The following FAM13A variants were observed in gnomAD, a reference collection of about 807,000 sequenced individuals.
The protein encoded by FAM13A is protein FAM13A.
Under a neutral mutation model 129.6 loss-of-function variants are expected in FAM13A, and 76 were observed. The ratio of observed to expected loss-of-function variants is 0.59; its 90% CI spans 0.49 to 0.71. The LOEUF is 0.71. Ranked by LOEUF, FAM13A falls within the 30% of genes least tolerant of loss-of-function variation. The pLI is 0.00. For synonymous variants in FAM13A, 443 were observed against 449.9 expected (o/e 0.98, Z 0.20); for missense variants, 1,108 against 1,249.3 (o/e 0.89, Z 1.70).
chr4:88,971,035 C>T (rs762632280), intron 4 of FAM13A, among the ~76,000 whole-genome samples: 5 of 152,226 alleles, frequency 3.3e-5, no homozygotes, highest in Admixed American at 1.3e-4. Context: ...GGTGAAACCC[C>T]ATCTCTACTA....
intron 6 of FAM13A, among the ~76,000 whole-genome samples, chr4:88,852,641 T>G (rs1297651464): frequency 6.6e-6 from 1 of 152,216 alleles, no homozygotes; most frequent in Non-Finnish European, 1.5e-5. Flanking sequence ...ATTGTTTATC[T>G]CTTTCTCTCT....
intron 7 of FAM13A, among the ~76,000 whole-genome samples, chr4:88,847,112 T>C (rs1736778173): frequency 1.3e-5 from 2 of 152,204 alleles, no homozygotes. Context: ...AGTAGATCTA[T>C]GGATAGAGAC....
At chr4:88,921,325 G>A (rs1182909206) in intron 5 of FAM13A, among the ~76,000 whole-genome samples, 1 of 152,198 alleles carries the variant, frequency 6.6e-6, no homozygotes, top group Non-Finnish European at 1.5e-5. Context: ...CCCACAAAGG[G>A]AAGCCTATCA....
chr4:88,825,027 T>C (rs1378439082), intron 7 of FAM13A, among the ~76,000 whole-genome samples: 1 of 152,014 alleles, frequency 6.6e-6, no homozygotes, highest in African/African-American at 2.4e-5. Flanking sequence ...AGGTAGAAAA[T>C]CACAATTATA....
intron 7 of FAM13A, among the ~76,000 whole-genome samples, chr4:88,818,893 A>G (rs1046675086): frequency 6.6e-6 from 1 of 152,156 alleles, no homozygotes; most frequent in African/African-American, 2.4e-5. Flanking sequence ...CTGGCCCAAC[A>G]TTACCTGGGT....
chr4:88,790,834 T>C (rs1267854463), intron 8 of FAM13A, among the ~76,000 whole-genome samples: 2 of 152,142 alleles, frequency 1.3e-5, no homozygotes. Flanking sequence ...AGTGGCTTTT[T>C]CTCCTTTTAA....
chr4:88,878,690 C>T (rs1483730357), intron 6 of FAM13A, among the ~76,000 whole-genome samples: 1 of 152,112 alleles, frequency 6.6e-6, no homozygotes, highest in Non-Finnish European at 1.5e-5. Flanking sequence ...AGAATTAACA[C>T]AATATTTAGT....
intron 5 of FAM13A, among the ~76,000 whole-genome samples, chr4:88,910,754 A>G (rs895567129): frequency 6.6e-6 from 1 of 150,956 alleles, no homozygotes; most frequent in Non-Finnish European, 1.5e-5. Context: ...GGTTCAAGCG[A>G]TTCTCCTGCC....
chr4:88,919,976 G>A (rs1048131501), intron 5 of FAM13A, among the ~76,000 whole-genome samples: 41 of 152,254 alleles, frequency 2.7e-4, no homozygotes, highest in Non-Finnish European at 4.7e-4. Context: ...CAAACTGCAA[G>A]GCGGCAGCGA....
At chr4:89,009,254 T>G (rs761657480) in intron 3 of FAM13A, among the ~76,000 whole-genome samples, 9 of 152,232 alleles carry the variant, frequency 5.9e-5, no homozygotes, top group Non-Finnish European at 1.0e-4. Flanking sequence ...TCACGTAGCA[T>G]GCAGTTGCAA....
chr4:88,948,411 G>A (rs1206862231), intron 4 of FAM13A, among the ~76,000 whole-genome samples: 3 of 152,084 alleles, frequency 2.0e-5, no homozygotes, highest in Non-Finnish European at 4.4e-5. Flanking sequence ...ACAGTCAGAA[G>A]TTACCAGTGG....
intron 4 of FAM13A, among the ~76,000 whole-genome samples, chr4:88,972,010 T>A (rs1340381801): frequency 6.6e-6 from 1 of 152,218 alleles, no homozygotes; most frequent in African/African-American, 2.4e-5. Flanking sequence ...ATTTGTGTCA[T>A]TCATGTCATT....
In FAM13A at chr4:88,969,273, G is replaced by C. The variant is rs2148943847; in HGVS notation, c.605+21700C>G. 1.3e-5 allele frequency among the ~76,000 whole-genome samples: 2 copies of C among 152,312 alleles called. 1 individual carries two copies. Among genetic ancestry groups the C allele is most frequent in the South Asian group, 4.1e-4 (2 of 4,826 alleles). On this transcript the variant is annotated intron_variant, in intron 4 of 23. Transcript: ENST00000264344. ...ATTTCTGTGTTAAATATACGAAGCT[G>C]GGGTCAGAAAAGTGACTTGTCCAGG... is the stretch of plus-strand genomic sequence containing the variant.
At chr4:88,872,551 T>C (rs1034956118) in intron 6 of FAM13A, among the ~76,000 whole-genome samples, 9 of 152,172 alleles carry the variant, frequency 5.9e-5, no homozygotes, top group Admixed American at 6.5e-5. Flanking sequence ...GGCCATTACA[T>C]AATGGTAAAG....
At chr4:88,934,897 G>T (rs1753606438) in intron 5 of FAM13A, among the ~76,000 whole-genome samples, 1 of 152,176 alleles carries the variant, frequency 6.6e-6, no homozygotes, top group Non-Finnish European at 1.5e-5. Flanking sequence ...GGGCTAAGAG[G>T]TCTATCCAAA....
chr4:88,924,704 G>A (rs1751784633), intron 5 of FAM13A, among the ~76,000 whole-genome samples: 1 of 152,034 alleles, frequency 6.6e-6, no homozygotes, highest in East Asian at 1.9e-4. Flanking sequence ...ATTGACAAAT[G>A]GGATCTAATT....
chr4:88,970,119 T>C (rs1759872608), intron 4 of FAM13A, among the ~76,000 whole-genome samples: 1 of 152,230 alleles, frequency 6.6e-6, no homozygotes, highest in Admixed American at 6.5e-5. Context: ...GAAAAGCTTA[T>C]TACAGTTACT....
chr4:88,905,245 G>A (rs1747960578), intron 6 of FAM13A, among the ~76,000 whole-genome samples: 1 of 152,014 alleles, frequency 6.6e-6, no homozygotes, highest in African/African-American at 2.4e-5. Flanking sequence ...AATTCTTTCT[G>A]CCTCAGCCTC....
intron 7 of FAM13A, among the ~76,000 whole-genome samples, chr4:88,845,093 T>C (rs191528932): frequency 3.9e-5 from 6 of 152,136 alleles, no homozygotes; most frequent in Admixed American, 1.3e-4. Flanking sequence ...GGATAAAATA[T>C]AATAATTATC....
Sources: gnomAD v4.1 joint callset for allele counts (sites outside exome capture counted in the v4.1 genomes callset) on GRCh38, gnomAD v4.1.1 for gene constraint, MANE v1.5 for transcripts, NCBI Gene and HGNC (gene_info 2026-07-23, HGNC 2026-07-21) for gene names.